The following EPHA8 variants were observed in gnomAD, a reference collection of about 807,000 sequenced individuals.
The protein encoded by EPHA8 is ephrin type-A receptor 8.
A neutral mutation model predicts 103.6 loss-of-function variants in EPHA8; 58 were observed. The observed-to-expected ratio is 0.56, with a 90% CI of 0.45 to 0.70. The LOEUF is 0.70. Ranked by LOEUF, EPHA8 falls within the 30% of genes least tolerant of loss-of-function variation. EPHA8 has a pLI of 0.00. For missense variants in EPHA8, 1,304 were observed against 1,395.2 expected, an observed-to-expected ratio of 0.93 and a Z score of 1.04; for synonymous variants, 559 against 572.5, an observed-to-expected ratio of 0.98 and a Z score of 0.34.
In EPHA8 at chr1:22,593,423, G is replaced by A. The variant is rs1263009935; in HGVS notation, c.1413G>A (p.Leu471=). The A allele has an allele frequency of 1.9e-6, 3 of 1,608,142 alleles. No individual in the cohort carries two copies. Among genetic ancestry groups the A allele is most frequent in the Non-Finnish European group, 2.5e-6 (3 of 1,178,000 alleles). ...CCGAGCAGCCGAACGGCATCATCCT[G>A]GAGTATGAGATCAAGTACTACGAGA... ...QEPEQPNGII[L]EYEIKYYEKD... is the part of the protein sequence containing the mutation. The change falls in exon 6 of 17, where the codon CTG becomes CTA. Residue 471 remains leucine, a synonymous_variant. Transcript: ENST00000166244.
Position 22,598,989 on chromosome 1 carries a change from C to T in EPHA8, c.2330C>T (p.Ser777Phe), listed in dbSNP as rs1165586714. The change falls in exon 13 of 17, where the codon TCT becomes TTT. Residue 777 changes from serine (S) to phenylalanine (F), a missense_variant. Transcript: ENST00000166244. The surrounding 1 kb of genome is among the most constrained non-coding windows in gnomAD (Gnocchi z 5.1). ...LVDSNLVCKV[S>F]DFGLSRVLED... Reference sequence around the variant, plus strand: ...GACAGCAACCTGGTCTGCAAGGTGTCTGACTTCGGGCTCTCACGGGTGCTG... The same window carrying T: ...GACAGCAACCTGGTCTGCAAGGTGTTTGACTTCGGGCTCTCACGGGTGCTG... 2.5e-6 allele frequency: 4 copies of T among 1,612,234 alleles called. No individual in the cohort carries two copies. The highest frequency in any genetic ancestry group is 1.7e-4 in the Middle Eastern group (1 of 6,058).
At chr1:22,584,993 G>A (rs2148246488) in intron 3 of EPHA8, among the ~76,000 whole-genome samples, 1 of 152,158 alleles carries the variant, frequency 6.6e-6, no homozygotes, top group Admixed American at 6.5e-5. Flanking sequence ...GCCAAGCAGG[G>A]GCCGCAGGAG....
chr1:22,598,050 G>T lies in EPHA8; in HGVS notation c.2117-101G>T. On this transcript the variant is annotated intron_variant, in intron 11 of 16. Coordinates refer to ENST00000166244, the MANE Select transcript of EPHA8 (RefSeq NM_020526.5). This position sits in a 1 kb window ranked among gnomAD's most constrained non-coding sequence, Gnocchi z 5.1. Reference sequence around the variant, plus strand: ...AACCCAAGGCACCCTGGGGTTTCCAGTGCTGGCACAGGTCCTGAGATGGTG... The same window carrying T: ...AACCCAAGGCACCCTGGGGTTTCCATTGCTGGCACAGGTCCTGAGATGGTG... The T allele has an allele frequency of 6.8e-7, 1 of 1,465,990 alleles. No homozygotes were observed. The highest frequency in any genetic ancestry group is 9.5e-7 in the Non-Finnish European group (1 of 1,052,470). The allele number at this position is 1,465,990 out of a possible 1,614,324, so 90.8% of individuals were successfully genotyped here.
chr1:22,596,718 G>A lies in EPHA8; in HGVS notation c.1765+545G>A, dbSNP rs151004284. On this transcript the variant is annotated intron_variant, in intron 9 of 16. Coordinates refer to ENST00000166244, the MANE Select transcript of EPHA8 (RefSeq NM_020526.5). ...ACTCTGTTGCCAAGGCTGGAGTGCA[G>A]TGGCTCAATCTCAGCTCACTGCAAC... Among the ~76,000 whole-genome samples the A allele has an allele frequency of 8.0e-3, 1,218 of 151,578 alleles. 10 individuals carry two copies. Among genetic ancestry groups the A allele is most frequent in the Middle Eastern group, 0.031 (9 of 294 alleles).
chr1:22,591,350 A>G lies in EPHA8; in HGVS notation c.1316-1976A>G, dbSNP rs138414261. On this transcript the variant is annotated intron_variant, in intron 5 of 16. Transcript: ENST00000166244. ...AGTGATCCTCCCACCTCAGCCTCCC[A>G]AGTAGCTGACCAAGGGCACACACCA... Among the ~76,000 whole-genome samples, 549 of 152,004 alleles carry G rather than the reference A, an allele frequency of 3.6e-3. 7 individuals are homozygous for G. The highest frequency in any genetic ancestry group is 0.012 in the African/African-American group (515 of 41,396).
At chr1:22,580,004 T>C (rs1417911972) in intron 3 of EPHA8, among the ~76,000 whole-genome samples, 1 of 151,972 alleles carries the variant, frequency 6.6e-6, no homozygotes. Flanking sequence ...CAGGTGGGGA[T>C]GGAGTCCAGC....
At chr1:22,571,901 G>T (rs1569953134) in intron 2 of EPHA8, among the ~76,000 whole-genome samples, 1 of 152,222 alleles carries the variant, frequency 6.6e-6, no homozygotes, top group African/African-American at 2.4e-5. Flanking sequence ...GCTGAGAGTG[G>T]TGGTGCACGC....
At chr1:22,596,275 GA>G in intron 9 of EPHA8, 102 bp downstream of exon 9, 14 of 1,177,556 alleles carry the variant, frequency 1.2e-5, no homozygotes, top group Non-Finnish European at 1.5e-5. Context: ...GGTGCCCAGT[GA>G]AAAAACCAGA....
At chr1:22,574,384 C>CA (rs1640626480) in intron 2 of EPHA8, among the ~76,000 whole-genome samples, 1 of 152,226 alleles carries the variant, frequency 6.6e-6, no homozygotes, top group African/African-American at 2.4e-5. Context: ...GTAGTGCATT[C>CA]ACATTGCTGT....
In EPHA8 at chr1:22,593,380, C is replaced by G. The variant is rs1288519265; in HGVS notation, c.1370C>G (p.Ser457Trp). 7 of 1,593,984 alleles carry G rather than the reference C, an allele frequency of 4.4e-6. No homozygotes were observed. Among genetic ancestry groups the G allele is most frequent in the Middle Eastern group, 1.7e-4 (1 of 6,054 alleles). The change falls in exon 6 of 17, where the codon TCG becomes TGG. Residue 457 changes from serine to tryptophan, a missense_variant. Coordinates refer to ENST00000166244, the MANE Select transcript of EPHA8 (RefSeq NM_020526.5). ...RQERAGQTSVSLLWQEPEQPN... is the reference protein window; with the variant it reads ...RQERAGQTSVWLLWQEPEQPN... ...GAGCGGGCGGGGCAGACCAGCGTCT[C>G]GCTGCTGTGGCAGGAGCCCGAGCAG...
chr1:22,577,741 G>A (rs1033887214), intron 3 of EPHA8, among the ~76,000 whole-genome samples: 2 of 150,888 alleles, frequency 1.3e-5, no homozygotes, highest in African/African-American at 2.4e-5. Context: ...ATGCAGACGA[G>A]GGAGCCTAGG....
rs779157641 is a variant in EPHA8, at chr1:22,593,627, G to A, written c.1544G>A (p.Arg515His). The part of the protein sequence containing the change: ...GTRYVFQVRA[R>H]TSAGCGRFSQ... ...CGCTACGTGTTCCAGGTCCGAGCCC[G>A]CACCTCAGCAGGCTGTGGCCGCTTC... Residue 515 changes from arginine (R) to histidine (H), a missense_variant, in exon 7 of 17, where the codon CGC becomes CAC. Coordinates refer to ENST00000166244, the MANE Select transcript of EPHA8 (RefSeq NM_020526.5). 10 of 1,607,944 alleles carry A rather than the reference G, an allele frequency of 6.2e-6. No homozygotes were observed. The highest frequency in any genetic ancestry group is 2.2e-5 in the East Asian group (1 of 44,634).
At position 22,597,544 on chromosome 1, in the gene EPHA8, G is replaced by A. The variant is rs1188977221; in HGVS notation, c.1930+68G>A. On this transcript the variant is annotated intron_variant, in intron 10 of 16. Transcript: ENST00000166244. The surrounding 1 kb of genome is among the most constrained non-coding windows in gnomAD (Gnocchi z 4.6). ...GGTGGGGGCACCCAGGGCAAGGTGGGGGCACCCAGGGCAGAGGGAGCGTGT... is the reference window on the plus strand; with the variant it reads ...GGTGGGGGCACCCAGGGCAAGGTGGAGGCACCCAGGGCAGAGGGAGCGTGT... The A allele has an allele frequency of 1.3e-6, 2 of 1,576,440 alleles. No homozygotes were observed. The highest frequency in any genetic ancestry group is 1.3e-5 in the African/African-American group (1 of 74,198).
At chr1:22,575,005 C>G (rs1640644737) in intron 2 of EPHA8, among the ~76,000 whole-genome samples, 1 of 152,116 alleles carries the variant, frequency 6.6e-6, no homozygotes, top group Non-Finnish European at 1.5e-5. Flanking sequence ...GGCTGGAGAA[C>G]AGTAGTGCGA....
Position 22,569,183 on chromosome 1 carries a change from G to C in EPHA8, c.95-106G>C, listed in dbSNP as rs183507427. The C allele has an allele frequency of 1.1e-5, 12 of 1,074,790 alleles. No individual in the cohort carries two copies. The highest frequency in any genetic ancestry group is 1.4e-5 in the Non-Finnish European group (10 of 706,508). The allele number at this position is 1,074,790 out of a possible 1,614,324, so 66.6% of individuals were successfully genotyped here. On this transcript the variant is annotated intron_variant, in intron 1 of 16. Transcript: ENST00000166244. This position sits in a 1 kb window ranked among gnomAD's most constrained non-coding sequence, Gnocchi z 4.5. ...TCAGGCAGAGGGACCCGTGTGAGCT[G>C]TGTGCTGGGGGCTGAGTGTGGACCA...
chr1:22,568,921 C>T (rs1285367483), intron 1 of EPHA8, among the ~76,000 whole-genome samples: 1 of 152,196 alleles, frequency 6.6e-6, no homozygotes, highest in Non-Finnish European at 1.5e-5. Flanking sequence ...GGTGAGGGGG[C>T]TTGCCCAGGG....
intron 3 of EPHA8, among the ~76,000 whole-genome samples, chr1:22,580,471 A>C (rs531281903): frequency 9.2e-5 from 14 of 152,262 alleles, no homozygotes; most frequent in Admixed American, 3.3e-4. Context: ...ATCTCATTTC[A>C]CATCCCCAAT....
chr1:22,601,256 C>G (rs1359729629), intron 15 of EPHA8, 44 bp from the exon 16 acceptor site: 1 of 1,565,672 alleles, frequency 6.4e-7, no homozygotes, highest in African/African-American at 1.4e-5. Context: ...GGGGTCCAGC[C>G]TCCCGAACCC....
rs561323427 is a variant in EPHA8 at position 22,603,495 on chromosome 1, G to C, written c.*1754G>C. 1 of 152,264 alleles carries C rather than the reference G, an allele frequency of 6.6e-6. No homozygotes were observed. Among genetic ancestry groups the C allele is most frequent in the African/African-American group, 2.4e-5 (1 of 41,374 alleles). 9.4% of individuals were successfully genotyped at this position (152,264 alleles called of 1,614,324 possible). ...TGCAAAAGTGTGGCCCCTCACTCTA[G>C]TGTGTGGTCCCTCTCAGGGTCCTGG... On this transcript the variant is annotated 3_prime_UTR_variant, in exon 17 of 17. Coordinates refer to ENST00000166244, the MANE Select transcript of EPHA8 (RefSeq NM_020526.5).
Sources: gnomAD v4.1 joint callset for allele counts (sites outside exome capture counted in the v4.1 genomes callset) on GRCh38, gnomAD v4.1.1 for gene constraint, Gnocchi (gnomAD v3.1) non-coding constraint, MANE v1.5 for transcripts, NCBI Gene and HGNC (gene_info 2026-07-23, HGNC 2026-07-21) for gene names.